OR5F1: variants seen among roughly 807,000 people sequenced by gnomAD.
OR5F1 encodes the protein olfactory receptor family 5 subfamily F member 1.
For missense variants in OR5F1, 429 were observed against 369.9 expected (o/e 1.16, Z -1.31); for synonymous variants, 185 against 153.2 (o/e 1.21, Z -1.53).
chr11:55,993,841 G>T lies in OR5F1; in HGVS notation c.785C>A (p.Pro262His). ...CTGATTCAGGGAGTAGCTGGAACTA[G>T]GTCTCAGGTAAGTATAGATGCAGGT... Reference protein sequence around the residue: ...YATCIYTYLRPSSSYSLNQDK... With the variant: ...YATCIYTYLRHSSSYSLNQDK... The change falls in exon 1 of 1, where the codon CCT becomes CAT. Residue 262 changes from proline to histidine, a missense_variant. Physicochemically the swap from Pro to His is moderately conservative, Grantham distance 77. Transcript: ENST00000278409. 6.2e-6 allele frequency: 10 copies of T among 1,613,912 alleles called. No homozygotes were observed. The highest frequency in any genetic ancestry group is 8.5e-6 in the Non-Finnish European group (10 of 1,179,972).
Position 55,993,923 on chromosome 11 carries a change from GCCTC to G in OR5F1, c.699_702del (p.Arg234ThrfsTer11), listed in dbSNP as rs1852990380. ...GAGGCACACGTGGAGAAAGCTCTGT[GCCTC>G]CCCTCCCCCGAATGCATAGAAAAAA... On this transcript the variant is annotated frameshift_variant, in exon 1 of 1. Coordinates refer to ENST00000278409, the MANE Select transcript of OR5F1 (RefSeq NM_003697.1). LOFTEE classifies it low-confidence loss of function (END_TRUNC). The G allele has an allele frequency of 6.2e-7, 1 of 1,613,720 alleles. No homozygotes were observed. Among genetic ancestry groups the G allele is most frequent in the Admixed American group, 1.7e-5 (1 of 59,902 alleles).
In OR5F1 at chr11:55,993,931, T is replaced by TC; in HGVS notation, c.694dup (p.Glu232GlyfsTer32). ...CGTGGAGAAAGCTCTGTGCCTCCCC[T>TC]CCCCCGAATGCATAGAAAAAATGGA... On this transcript the variant is annotated frameshift_variant, in exon 1 of 1. Coordinates refer to ENST00000278409, the MANE Select transcript of OR5F1 (RefSeq NM_003697.1). LOFTEE classifies it low-confidence loss of function (END_TRUNC). The TC allele has an allele frequency of 6.2e-7, 1 of 1,613,634 alleles. No individual in the cohort carries two copies. Among genetic ancestry groups the TC allele is most frequent in the Non-Finnish European group, 8.5e-7 (1 of 1,179,886 alleles).
Sources: allele counts gnomAD v4.1 joint callset, GRCh38; gene constraint gnomAD v4.1.1; transcripts MANE v1.5; gene names NCBI Gene and HGNC (gene_info 2026-07-23, HGNC 2026-07-21).